Variants in CACNA1C observed in about 807,000 individuals in gnomAD.
CACNA1C encodes the protein voltage-dependent L-type calcium channel subunit alpha-1C.
CACNA1C carries 30 observed loss-of-function variants against 229.0 expected under a neutral mutation model. The observed-to-expected ratio is 0.13, with a 90% confidence interval of 0.10 to 0.18. The LOEUF (loss-of-function observed/expected upper bound fraction) is 0.18. CACNA1C is among the 10% of genes least tolerant of loss of function. CACNA1C has a pLI of 1.00. For synonymous variants in CACNA1C, 1,114 were observed against 1,132.5 expected (o/e 0.98, Z 0.33); for missense variants, 1,658 against 2,845.0 (o/e 0.58, Z 9.49).
chr12:2,166,245 C>A (rs1346314070), intron 3 of CACNA1C, among the ~76,000 whole-genome samples: 1 of 152,186 alleles, frequency 6.6e-6, no homozygotes, highest in Non-Finnish European at 1.5e-5. Flanking sequence ...CCCTCCTCAC[C>A]AGCTCCAGTC....
At chr12:2,395,345 A>G (rs1444396933) in intron 3 of CACNA1C, among the ~76,000 whole-genome samples, 3 of 151,864 alleles carry the variant, frequency 2.0e-5, no homozygotes, top group Non-Finnish European at 4.4e-5. Flanking sequence ...CAGCCTCCCA[A>G]GTAGCTGGAA....
At chr12:2,011,379 GGT>G (rs1042450843) in intron 1 of CACNA1C, 2 of 152,108 alleles carry the variant, frequency 1.3e-5, no homozygotes, top group African/African-American at 4.8e-5. Flanking sequence ...TGTTGAGGGT[GGT>G]CACCAGATTG....
chr12:2,170,982 C>T (rs1278862501), intron 3 of CACNA1C, among the ~76,000 whole-genome samples: 1 of 152,198 alleles, frequency 6.6e-6, no homozygotes, highest in Non-Finnish European at 1.5e-5. Flanking sequence ...TGGGCACTCC[C>T]ATCTGCACAG....
rs2053602348 is a variant in CACNA1C at position 2,054,183 on chromosome 12, A to G, written c.49+572A>G. 6.6e-6 allele frequency among the ~76,000 whole-genome samples: 1 copy of G among 151,872 alleles called. No individual in the cohort carries two copies. The highest frequency in any genetic ancestry group is 6.5e-5 in the Admixed American group (1 of 15,272). Reference sequence around the variant, plus strand: ...AGGTGGCGGGTGGGGGCGGCGGTGCAGATGTGAAGCCCAGCGCGCCCCTCT... The same window carrying G: ...AGGTGGCGGGTGGGGGCGGCGGTGCGGATGTGAAGCCCAGCGCGCCCCTCT... On this transcript the variant is annotated intron_variant, in intron 1 of 46. Coordinates refer to ENST00000399655, the MANE Select transcript of CACNA1C (RefSeq NM_000719.7). The surrounding 1 kb of genome is among the most constrained non-coding windows in gnomAD (Gnocchi z 5.5).
At position 2,666,256 on chromosome 12, in the gene CACNA1C, A is replaced by G. The variant is rs2096090324; in HGVS notation, c.4527-430A>G. On this transcript the variant is annotated intron_variant, in intron 36 of 46. Coordinates refer to ENST00000399655, the MANE Select transcript of CACNA1C (RefSeq NM_000719.7). The surrounding 1 kb of genome is among the most constrained non-coding windows in gnomAD (Gnocchi z 5.3). ...TGGAAGGATAGGAAATTCTAGTATC[A>G]GGAATAACTAGTAAGTGCTCAAGTT... Among the ~76,000 whole-genome samples the G allele has an allele frequency of 6.6e-6, 1 of 152,216 alleles. No individual in the cohort carries two copies. Among genetic ancestry groups the G allele is most frequent in the South Asian group, 2.1e-4 (1 of 4,832 alleles).
At chr12:2,341,334 C>A (rs922358589) in intron 3 of CACNA1C, among the ~76,000 whole-genome samples, 1 of 152,342 alleles carries the variant, frequency 6.6e-6, no homozygotes, top group South Asian at 2.1e-4. Flanking sequence ...TCCTTTGGCT[C>A]TTTCCCTTTT....
chr12:2,031,291 C>G (rs533192248), intron 1 of CACNA1C, among the ~76,000 whole-genome samples: 1 of 152,278 alleles, frequency 6.6e-6, no homozygotes, highest in East Asian at 1.9e-4. Flanking sequence ...TACGGAGAAA[C>G]CAAAACTCGT....
rs532703033 is a variant in CACNA1C, at chr12:2,089,255, C to T, written c.50-25969C>T. 8.5e-5 allele frequency among the ~76,000 whole-genome samples: 13 copies of T among 152,332 alleles called. No individual in the cohort carries two copies. The South Asian group carries it at 1.5e-3, about 17-fold the overall frequency. ...CCTAAACCACCCCTGTCTGTCCCCCCGACCCTGAGGTAAGCCATTGATGTG... is the reference window on the plus strand; with the variant it reads ...CCTAAACCACCCCTGTCTGTCCCCCTGACCCTGAGGTAAGCCATTGATGTG... On this transcript the variant is annotated intron_variant, in intron 1 of 46. Transcript: ENST00000399655.
intron 29 of CACNA1C, among the ~76,000 whole-genome samples, chr12:2,625,423 G>T (rs570993937): frequency 6.6e-6 from 1 of 152,142 alleles, no homozygotes. Flanking sequence ...AGGGTGCGTC[G>T]GCGATAACCC....
intron 3 of CACNA1C, among the ~76,000 whole-genome samples, chr12:2,155,406 G>GAA (rs3216317): frequency 1.4e-4 from 20 of 147,606 alleles, no homozygotes; most frequent in African/African-American, 5.0e-4. Flanking sequence ...TATATGAAAA[G>GAA]AAAAAAAAAA....
chr12:2,374,097 C>G (rs543744829), intron 3 of CACNA1C, among the ~76,000 whole-genome samples: 1 of 152,186 alleles, frequency 6.6e-6, no homozygotes, highest in East Asian at 1.9e-4. Context: ...ACCCAGCACC[C>G]TCTTCCGCCC....
intron 3 of CACNA1C, among the ~76,000 whole-genome samples, chr12:2,342,020 G>A (rs2096879423): frequency 6.6e-6 from 1 of 152,166 alleles, no homozygotes; most frequent in Non-Finnish European, 1.5e-5. Flanking sequence ...AAATCATGAT[G>A]GTGAGGTATT....
At position 2,633,321 on chromosome 12, in the gene CACNA1C, G is replaced by A. The variant is rs1295876278; in HGVS notation, c.3829-976G>A. 3.3e-5 allele frequency among the ~76,000 whole-genome samples: 5 copies of A among 152,036 alleles called. No individual in the cohort carries two copies. The highest frequency in any genetic ancestry group is 6.5e-5 in the Admixed American group (1 of 15,276). ...CCGCCTGGCGATTTGCACCACCCACGCCCCCCACACCCACTCCTGCCCCTG... is the reference window on the plus strand; with the variant it reads ...CCGCCTGGCGATTTGCACCACCCACACCCCCCACACCCACTCCTGCCCCTG... On this transcript the variant is annotated intron_variant, in intron 29 of 46. Coordinates refer to ENST00000399655, the MANE Select transcript of CACNA1C (RefSeq NM_000719.7). The surrounding 1 kb of genome is among the most constrained non-coding windows in gnomAD (Gnocchi z 5.8).
chr12:2,675,540 A>G (rs2096763880), intron 39 of CACNA1C, among the ~76,000 whole-genome samples: 1 of 152,170 alleles, frequency 6.6e-6, no homozygotes, highest in South Asian at 2.1e-4. Flanking sequence ...TGACCCACAC[A>G]CCCTAAAGAG....
At chr12:2,510,932 A>G (rs1302743846) in intron 8 of CACNA1C, among the ~76,000 whole-genome samples, 1 of 152,198 alleles carries the variant, frequency 6.6e-6, no homozygotes, top group Non-Finnish European at 1.5e-5. Flanking sequence ...ACAGGGGATA[A>G]GAGGTTAGGA....
chr12:2,419,307 T>C (rs1201678763), intron 3 of CACNA1C, among the ~76,000 whole-genome samples: 1 of 152,010 alleles, frequency 6.6e-6, no homozygotes, highest in African/African-American at 2.4e-5. Flanking sequence ...CATGGCAAGA[T>C]TGGGAGCAAG....
intron 3 of CACNA1C, among the ~76,000 whole-genome samples, chr12:2,402,141 T>C (rs987667716): frequency 1.3e-5 from 2 of 152,268 alleles, no homozygotes; most frequent in Non-Finnish European, 2.9e-5. Flanking sequence ...GAGAAAACTT[T>C]GATTTGTAGT....
intron 9 of CACNA1C, among the ~76,000 whole-genome samples, chr12:2,540,444 G>C (rs1031081951): frequency 2.0e-5 from 3 of 152,102 alleles, no homozygotes; most frequent in African/African-American, 7.2e-5. Context: ...CTCTGAGAAG[G>C]GATGAAATTT....
intron 13 of CACNA1C, among the ~76,000 whole-genome samples, chr12:2,576,489 G>A (rs1422644464): frequency 2.0e-5 from 3 of 152,142 alleles, no homozygotes; most frequent in Non-Finnish European, 2.9e-5. Context: ...GCTGCTGCTC[G>A]CTTCTCTCCA....
Sources: allele counts gnomAD v4.1 joint callset (sites outside exome capture counted in the v4.1 genomes callset), GRCh38; gene constraint gnomAD v4.1.1; non-coding constraint Gnocchi (gnomAD v3.1); transcripts MANE v1.5; gene names NCBI Gene and HGNC (gene_info 2026-07-23, HGNC 2026-07-21).